Variants in C10orf88 observed in about 807,000 individuals in gnomAD.
The protein encoded by C10orf88 is ATPase PAAT.
A neutral mutation model predicts 34.2 loss-of-function variants in C10orf88; 29 were observed. The observed-to-expected ratio is 0.85, with a 90% CI of 0.63 to 1.16. The LOEUF (loss-of-function observed/expected upper bound fraction) is 1.16, where lower values mean the gene tolerates loss of function less well. Among genes scored for constraint, C10orf88 ranks in the 50% most tolerant of loss-of-function variants. The probability of loss-of-function intolerance (pLI) is 0.00; values close to 1 mark genes in which losing one functional copy is unlikely to be tolerated. For missense variants in C10orf88, 507 were observed against 533.2 expected (o/e 0.95, Z 0.48); for synonymous variants, 194 against 197.4 (o/e 0.98, Z 0.15).
chr10:122,943,324 T>C (rs1362823304), intron 4 of C10orf88, among the ~76,000 whole-genome samples: 8 of 148,998 alleles, frequency 5.4e-5, no homozygotes, highest in African/African-American at 2.0e-4. Context: ...TAGCCATATG[T>C]AGAAAGCTGA....
intron 4 of C10orf88, among the ~76,000 whole-genome samples, chr10:122,944,532 TA>T (rs749645915): frequency 8.6e-5 from 13 of 151,302 alleles, no homozygotes; most frequent in East Asian, 1.9e-4. Flanking sequence ...TAATAATAAT[TA>T]AAAAAAAGAG....
chr10:122,939,148 T>C lies in C10orf88; in HGVS notation c.649-989A>G, dbSNP rs77475917. ...AACATTAATTTATTCAACAAATATT[T>C]ACCAGGAATCTACTCTGTGCTAGTA... is the stretch of plus-strand genomic sequence containing the variant. On this transcript the variant is annotated intron_variant, in intron 4 of 5. Coordinates refer to ENST00000481909, the MANE Select transcript of C10orf88 (RefSeq NM_024942.4). 4.4e-3 allele frequency among the ~76,000 whole-genome samples: 668 copies of C among 152,104 alleles called. 35 individuals carry two copies. The East Asian group carries it at 0.11, about 24-fold the overall frequency.
At chr10:122,943,353 C>T (rs1451051305) in intron 4 of C10orf88, among the ~76,000 whole-genome samples, 8 of 150,470 alleles carry the variant, frequency 5.3e-5, no homozygotes, top group South Asian at 4.3e-4. Context: ...CCCTTCCTTA[C>T]ACCTTATACA....
chr10:122,938,283 G>A, intron 4 of C10orf88, 124 bp from the exon 5 acceptor site: 1 of 825,620 alleles, frequency 1.2e-6, no homozygotes, highest in Admixed American at 2.8e-5. Flanking sequence ...TTATAAAGTA[G>A]GCCACTAATA....
In C10orf88 at chr10:122,948,602, T is replaced by C. The variant is rs201989413; in HGVS notation, c.648+47A>G. 32 of 1,561,264 alleles carry C rather than the reference T, an allele frequency of 2.0e-5. No homozygotes were observed. The African/African-American group carries it at 3.7e-4, about 18-fold the overall frequency. ...TACATTTCTTTACTAAAAGCAATGGTTTTGAAATCATTAATGTTATCTGGA... is the reference window on the plus strand; with the variant it reads ...TACATTTCTTTACTAAAAGCAATGGCTTTGAAATCATTAATGTTATCTGGA... On this transcript the variant is annotated intron_variant, in intron 4 of 5. Coordinates refer to ENST00000481909, the MANE Select transcript of C10orf88 (RefSeq NM_024942.4).
chr10:122,951,574 AT>A (rs1160190939), intron 3 of C10orf88, among the ~76,000 whole-genome samples: 11 of 152,010 alleles, frequency 7.2e-5, no homozygotes, highest in African/African-American at 2.7e-4. Context: ...AAAAAAAAAA[AT>A]TTCTTAATTC....
chr10:122,937,814 G>C lies in C10orf88; in HGVS notation c.994C>G (p.Leu332Val), dbSNP rs574778815. Reference sequence around the variant, plus strand: ...CTACATAAATTCTGGAGAAAAGGCAGCAACTCGGAGTTGGGTATATTTGAG... The same window carrying C: ...CTACATAAATTCTGGAGAAAAGGCACCAACTCGGAGTTGGGTATATTTGAG... Reference protein sequence around the residue: ...DNSNIPNSELLPFLQNLCSQV... With the variant: ...DNSNIPNSELVPFLQNLCSQV... Residue 332 changes from leucine (L) to valine (V), a missense_variant, in exon 5 of 6, where the codon CTG becomes GTG. Coordinates refer to ENST00000481909, the MANE Select transcript of C10orf88 (RefSeq NM_024942.4). 2.5e-6 allele frequency: 4 copies of C among 1,613,118 alleles called. No individual in the cohort carries two copies. The Admixed American group carries it at 6.7e-5, about 27-fold the overall frequency.
Position 122,944,533 on chromosome 10 carries a change from A to T in C10orf88, c.648+4116T>A, listed in dbSNP as rs943412848. On this transcript the variant is annotated intron_variant, in intron 4 of 5. Coordinates refer to ENST00000481909, the MANE Select transcript of C10orf88 (RefSeq NM_024942.4). ...TAAAACTTAAAGTATAATAATAATT[A>T]AAAAAAAGAGTTATTATCAAATCAC... 1.4e-4 allele frequency among the ~76,000 whole-genome samples: 22 copies of T among 151,986 alleles called. No homozygotes were observed. In the East Asian group the frequency reaches 1.7e-3, roughly 12 times the overall value.
At chr10:122,944,391 G>C (rs1442699390) in intron 4 of C10orf88, among the ~76,000 whole-genome samples, 1 of 108,448 alleles carries the variant, frequency 9.2e-6, no homozygotes. Flanking sequence ...GGGGGGAGGG[G>C]GGAGGGATAG....
At position 122,934,467 on chromosome 10, in the gene C10orf88, T is replaced by C. The variant is rs117543311; in HGVS notation, c.1104-1806A>G. Among the ~76,000 whole-genome samples the C allele has an allele frequency of 5.9e-5, 9 of 152,290 alleles. No individual in the cohort carries two copies. The East Asian group carries it at 9.6e-4, about 16-fold the overall frequency. The stretch of plus-strand genomic sequence containing the variant: ...TATGTGACCTTTTGAGATTCTCTTT[T>C]GTCACTCAGCAAAATGCCTTTGAGA... On this transcript the variant is annotated intron_variant, in intron 5 of 5. Coordinates refer to ENST00000481909, the MANE Select transcript of C10orf88 (RefSeq NM_024942.4).
At chr10:122,949,158 C>T (rs1041968176) in intron 3 of C10orf88, among the ~76,000 whole-genome samples, 6 of 152,056 alleles carry the variant, frequency 3.9e-5, no homozygotes, top group Admixed American at 2.0e-4. Flanking sequence ...ATAGTAGTTC[C>T]TCTTTATCTG....
chr10:122,940,143 A>G (rs1187540523), intron 4 of C10orf88, among the ~76,000 whole-genome samples: 2 of 152,000 alleles, frequency 1.3e-5, no homozygotes, highest in Non-Finnish European at 2.9e-5. Context: ...AGATACAGAA[A>G]CAACCTAAAT....
At chr10:122,934,911 A>C (rs1239664185) in intron 5 of C10orf88, among the ~76,000 whole-genome samples, 5 of 152,102 alleles carry the variant, frequency 3.3e-5, no homozygotes, top group Non-Finnish European at 7.4e-5. Flanking sequence ...TCACTAAGTC[A>C]ATGTTGATCA....
At chr10:122,938,462 T>C (rs1476065786) in intron 4 of C10orf88, among the ~76,000 whole-genome samples, 1 of 152,076 alleles carries the variant, frequency 6.6e-6, no homozygotes, top group East Asian at 1.9e-4. Context: ...AATACTAGCA[T>C]GAATAGTCAA....
At chr10:122,949,044 G>T (rs1848666423) in intron 3 of C10orf88, among the ~76,000 whole-genome samples, 189 bp from the exon 4 acceptor site, 1 of 152,112 alleles carries the variant, frequency 6.6e-6, no homozygotes, top group African/African-American at 2.4e-5. Flanking sequence ...AGGCTCAGAT[G>T]AACTATTTAA....
intron 4 of C10orf88, among the ~76,000 whole-genome samples, chr10:122,944,076 A>T (rs895729871): frequency 2.0e-5 from 3 of 151,406 alleles, no homozygotes; most frequent in Non-Finnish European, 1.5e-5. Context: ...ACATGCACAC[A>T]TATATTTATT....
chr10:122,948,550 C>G, intron 4 of C10orf88, 99 bp downstream of exon 4: 3 of 1,082,454 alleles, frequency 2.8e-6, no homozygotes, highest in Non-Finnish European at 4.0e-6. Flanking sequence ...ACAGTTAAAT[C>G]AGTATGAAAG....
At position 122,952,040 on chromosome 10, in the gene C10orf88, A is replaced by G; in HGVS notation, c.369-14T>C. The G allele has an allele frequency of 3.8e-6, 5 of 1,322,186 alleles. No homozygotes were observed. The highest frequency in any genetic ancestry group is 4.2e-6 in the Non-Finnish European group (4 of 947,740). 81.9% of individuals were successfully genotyped at this position (1,322,186 alleles called of 1,614,324 possible). A position where few individuals can be genotyped will look rare whatever the true frequency, so the allele number is the denominator to read the frequency against. ...TTTTCATGTTCACTAAAAATAAAAA[A>G]GAATTAATTTTTTTTACTTACATAT... On this transcript the variant is annotated splice_polypyrimidine_tract_variant and intron_variant, in intron 2 of 5. Transcript: ENST00000481909.
At chr10:122,935,134 T>C (rs1044502772) in intron 5 of C10orf88, among the ~76,000 whole-genome samples, 2 of 152,018 alleles carry the variant, frequency 1.3e-5, no homozygotes, top group Non-Finnish European at 1.5e-5. Flanking sequence ...CCCCTAACAG[T>C]GTCTTTCATA....
Sources: allele counts gnomAD v4.1 joint callset (sites outside exome capture counted in the v4.1 genomes callset), GRCh38; gene constraint gnomAD v4.1.1; transcripts MANE v1.5; gene names NCBI Gene and HGNC (gene_info 2026-07-23, HGNC 2026-07-21).